Variants in SYN1 observed in about 807,000 individuals in gnomAD.
SYN1 encodes synapsin-1.
SYN1 carries 8 observed loss-of-function variants against 44.6 expected under a neutral mutation model. That is an observed-to-expected ratio of 0.18 (90% CI 0.11 to 0.32). The LOEUF is 0.32. Among genes scored for constraint, SYN1 ranks in the 10% least tolerant of loss-of-function variants. The pLI is 1.00. For missense variants in SYN1, 451 were observed against 639.4 expected, an observed-to-expected ratio of 0.71 and a Z score of 3.18; for synonymous variants, 275 against 280.1, an observed-to-expected ratio of 0.98 and a Z score of 0.18.
rs1165578704 is a variant in SYN1, at chrX:47,573,981, CTGCTGT to C, written c.1982+15_1982+20del. The C allele has an allele frequency of 1.6e-5, 18 of 1,116,073 alleles. No homozygotes were observed. The highest frequency in any genetic ancestry group is 1.8e-5 in the Non-Finnish European group (15 of 853,118). The allele number at this position is 1,116,073 out of a possible 1,213,427, so 92.0% of individuals were successfully genotyped here. On this transcript the variant is annotated intron_variant, in intron 12 of 12. Transcript: ENST00000295987. Reference sequence around the variant, plus strand: ...CGCTTTGTGAGCAGCAAGGCGAAGGCTGCTGTAGGGGTCCCCTTACTTGAGCTGGGG... The same window carrying C: ...CGCTTTGTGAGCAGCAAGGCGAAGGCAGGGGTCCCCTTACTTGAGCTGGGG...
intron 5 of SYN1, chrX:47,586,621 G>T: frequency 3.3e-6 from 4 of 1,211,915 alleles, no homozygotes; most frequent in Non-Finnish European, 3.3e-6. Context: ...TTCCAGTCCC[G>T]TCACCTTGCC....
At position 47,573,928 on chromosome X, in the gene SYN1, C is replaced by T. The variant is rs899431728; in HGVS notation, c.1982+74G>A. 5.1e-6 allele frequency: 5 copies of T among 978,374 alleles called. No homozygotes were observed. The African/African-American group carries it at 8.1e-5, about 16-fold the overall frequency. 80.6% of individuals were successfully genotyped at this position (978,374 alleles called of 1,213,427 possible). The stretch of plus-strand genomic sequence containing the variant: ...GACCTGGGTCTGAGGAGCAAGGGAG[C>T]TAGGGCTGCTCTACTGGGGCAGCGG... On this transcript the variant is annotated intron_variant, in intron 12 of 12. Transcript: ENST00000295987.
At chrX:47,581,930 C>T (rs1416961110) in intron 5 of SYN1, among the ~76,000 whole-genome samples, 5 of 112,095 alleles carry the variant, frequency 4.5e-5, no homozygotes, top group Non-Finnish European at 9.4e-5. Context: ...TCCCCTTTCA[C>T]CTGCCTTATC....
At chrX:47,593,850 T>G (rs987978440) in intron 5 of SYN1, among the ~76,000 whole-genome samples, 2 of 112,388 alleles carry the variant, frequency 1.8e-5, no homozygotes, top group Admixed American at 1.9e-4. Flanking sequence ...CTTATTTTCA[T>G]CTAGGTTTTC....
intron 5 of SYN1, among the ~76,000 whole-genome samples, chrX:47,579,494 G>A (rs1056032840): frequency 9.0e-6 from 1 of 111,063 alleles, no homozygotes; most frequent in East Asian, 2.8e-4. Flanking sequence ...TCAGGTGTCC[G>A]CTTTGCACAT....
intron 3 of SYN1, 66 bp downstream of exon 3, chrX:47,606,879 C>A (rs2057899258): frequency 6.5e-6 from 7 of 1,074,504 alleles, no homozygotes; most frequent in Non-Finnish European, 3.8e-6. Context: ...TAGGAACTTT[C>A]CCCCAGCTCT....
chrX:47,586,407 G>C (rs1306342886), intron 5 of SYN1: 2 of 1,112,691 alleles, frequency 1.8e-6, no homozygotes, highest in South Asian at 4.3e-5. Flanking sequence ...GTACTTAGGT[G>C]GGGTGAGAGC....
chrX:47,598,230 C>T (rs2057869305), intron 5 of SYN1, among the ~76,000 whole-genome samples: 1 of 111,962 alleles, frequency 8.9e-6, no homozygotes, highest in Admixed American at 9.5e-5. Flanking sequence ...TTCATGGGCA[C>T]ACAATGTGTA....
At chrX:47,582,853 G>C (rs1346660323) in intron 5 of SYN1, among the ~76,000 whole-genome samples, 2 of 56,965 alleles carry the variant, frequency 3.5e-5, no homozygotes, top group South Asian at 9.7e-4. Context: ...CAGTTCCCCA[G>C]CTCCCAAACT....
chrX:47,619,623 C>A lies in SYN1; in HGVS notation c.106G>T (p.Gly36Cys). ...QRPQPPPPPP[G>C]AHSPGATPGP... Reference sequence around the variant, plus strand: ...GGCGTGGCTCCGGGGCTGTGGGCACCGGGCGGCGGTGGGGGCGGCTGCGGA... The same window carrying A: ...GGCGTGGCTCCGGGGCTGTGGGCACAGGGCGGCGGTGGGGGCGGCTGCGGA... The change falls in exon 1 of 13, where the codon GGT becomes TGT. Residue 36 changes from glycine (G) to cysteine (C), a missense_variant. Around this residue, in one of 3 missense-constraint regions of SYN1, gnomAD observed 315 missense variants for 451.4 expected, o/e 0.70. Transcript: ENST00000295987. The A allele has an allele frequency of 8.6e-7, 1 of 1,159,134 alleles. No individual in the cohort carries two copies. Among genetic ancestry groups the A allele is most frequent in the East Asian group, 3.3e-5 (1 of 30,306 alleles).
chrX:47,582,058 G>A (rs1002212163), intron 5 of SYN1, among the ~76,000 whole-genome samples: 8 of 112,848 alleles, frequency 7.1e-5, no homozygotes, highest in African/African-American at 2.6e-4. Context: ...AATAAATGTT[G>A]AAGGGCTGAA....
At chrX:47,582,738 C>T (rs2057804064) in intron 5 of SYN1, 4 of 207,942 alleles carry the variant, frequency 1.9e-5, no homozygotes, top group South Asian at 1.9e-4. Flanking sequence ...AAATGCTTTC[C>T]AAATCCCCCC....
At chrX:47,598,703 T>C (rs1488017799) in intron 5 of SYN1, among the ~76,000 whole-genome samples, 3 of 111,690 alleles carry the variant, frequency 2.7e-5, no homozygotes, top group African/African-American at 9.8e-5. Context: ...GGCAGGCACC[T>C]GTAGTCCCAG....
Position 47,572,905 on chromosome X carries a change from G to A in SYN1, c.2077C>T (p.Arg693Cys). Residue 693 changes from arginine to cysteine, a missense_variant, in exon 13 of 13, where the codon CGC becomes TGC. Physicochemically the swap from Arg to Cys is radical, Grantham distance 180 (BLOSUM62 -3). Coordinates refer to ENST00000295987, the MANE Select transcript of SYN1 (RefSeq NM_006950.3). ...CTGGCGAAAGACTTCCTCAGGCTGC[G>A]GATGGTCTCAGCTTTCACCTCGTCC... ...SQDEVKAETI[R>C]SLRKSFASLF... The A allele has an allele frequency of 1.7e-6, 2 of 1,211,940 alleles. No individual in the cohort carries two copies. Among genetic ancestry groups the A allele is most frequent in the Non-Finnish European group, 2.2e-6 (2 of 895,551 alleles).
rs1349971735 is a variant in SYN1, at chrX:47,572,817, C to T, written c.*47G>A. The stretch of plus-strand genomic sequence containing the variant: ...CCAAAAGTGAGAAATGGATTCAGGG[C>T]CCAGAGAAGGGTTGCCCAGGGATTT... On this transcript the variant is annotated 3_prime_UTR_variant, in exon 13 of 13. Coordinates refer to ENST00000295987, the MANE Select transcript of SYN1 (RefSeq NM_006950.3). 8.3e-7 allele frequency: 1 copy of T among 1,209,376 alleles called. No individual in the cohort carries two copies. The highest frequency in any genetic ancestry group is 3.0e-5 in the East Asian group (1 of 33,778).
At chrX:47,596,828 C>T (rs1603066654) in intron 5 of SYN1, among the ~76,000 whole-genome samples, 1 of 111,711 alleles carries the variant, frequency 9.0e-6, no homozygotes, top group East Asian at 2.8e-4. Context: ...TGCAAAGAAA[C>T]AAAATTAAGT....
rs780455399 is a variant in SYN1, at chrX:47,615,621, A to G, written c.377+3731T>C. Among the ~76,000 whole-genome samples, 17 of 112,393 alleles carry G rather than the reference A, an allele frequency of 1.5e-4. 1 individual carries two copies. The highest frequency in any genetic ancestry group is 2.8e-4 in the Non-Finnish European group (15 of 53,277). On this transcript the variant is annotated intron_variant, in intron 1 of 12. Transcript: ENST00000295987. The stretch of plus-strand genomic sequence containing the variant: ...GGTGACCCATAGTTTGAGAAACACC[A>G]GAGAGCCGGGCACGGTGGCTCAAGC...
Position 47,606,960 on chromosome X carries a change from C to T in SYN1, c.512G>A (p.Gly171Glu). Residue 171 changes from glycine to glutamate, a missense_variant, in exon 3 of 13, where the codon GGG (glycine) becomes GAG (glutamate). Physicochemically the swap from Gly to Glu is moderately conservative, Grantham distance 98 (BLOSUM62 -2). This residue lies in a region of SYN1 where 315 missense variants were observed against 451.4 expected (regional missense o/e 0.70). Transcript: ENST00000295987. ...FSVDMEVLRN[G>E]VKVVRSLKPD... ...TTATACTCACCGCACGACCTTCACCCCATTCCGAAGAACTTCCATATCCAC... is the reference window on the plus strand; with the variant it reads ...TTATACTCACCGCACGACCTTCACCTCATTCCGAAGAACTTCCATATCCAC... The T allele has an allele frequency of 1.7e-6, 2 of 1,210,448 alleles. No individual in the cohort carries two copies. Among genetic ancestry groups the T allele is most frequent in the Non-Finnish European group, 2.2e-6 (2 of 894,998 alleles).
chrX:47,606,914 C>G (rs370261744), intron 3 of SYN1, 31 bp downstream of exon 3: 198 of 1,176,750 alleles, frequency 1.7e-4, no homozygotes, highest in Middle Eastern at 4.8e-4. Flanking sequence ...ATGCCTTGCT[C>G]ATAACACCAA....
Sources: allele counts gnomAD v4.1 joint callset (sites outside exome capture counted in the v4.1 genomes callset), GRCh38; gene constraint gnomAD v4.1.1; regional missense constraint gnomAD v4.1.1; transcripts MANE v1.5; gene names NCBI Gene and HGNC (gene_info 2026-07-23, HGNC 2026-07-21).